Variants in BMPR1A observed in about 807,000 individuals in gnomAD.
BMPR1A encodes bone morphogenetic protein receptor type-1A.
A neutral mutation model predicts 66.0 loss-of-function variants in BMPR1A; 7 were observed. That is an observed-to-expected ratio of 0.11 (90% CI 0.06 to 0.20). The LOEUF is 0.20. BMPR1A is among the 10% of genes least tolerant of loss of function. The probability of loss-of-function intolerance (pLI) is 1.00; values close to 1 mark genes in which losing one functional copy is unlikely to be tolerated. For missense variants in BMPR1A, 408 were observed against 669.1 expected (o/e 0.61, Z 4.31); for synonymous variants, 200 against 229.7 (o/e 0.87, Z 1.17).
intron 1 of BMPR1A, among the ~76,000 whole-genome samples, chr10:86,763,796 T>C (rs1841116133): frequency 6.7e-6 from 1 of 148,960 alleles, no homozygotes; most frequent in Admixed American, 6.6e-5. Context: ...AGTTGTTTTT[T>C]TTTTTTTTTT....
intron 1 of BMPR1A, among the ~76,000 whole-genome samples, chr10:86,771,436 T>G (rs1280132376): frequency 6.6e-6 from 1 of 152,230 alleles, no homozygotes; most frequent in Non-Finnish European, 1.5e-5. Flanking sequence ...CTGAATCGAT[T>G]TAACCTTTAC....
rs574694260 is a variant in BMPR1A at position 86,882,585 on chromosome 10, T to C, written c.67+6500T>C. ...CCCAAAGAGGACTTTTTGGTTTACT[T>C]GTGGGGCTCAATTTTTTTTTGGATG... On this transcript the variant is annotated intron_variant, in intron 3 of 12. Transcript: ENST00000372037. Among the ~76,000 whole-genome samples, 3 of 151,968 alleles carry C rather than the reference T, an allele frequency of 2.0e-5. No homozygotes were observed. In the South Asian group the frequency reaches 6.2e-4, roughly 32 times the overall value.
chr10:86,759,879 CA>C (rs1373343398), intron 1 of BMPR1A, among the ~76,000 whole-genome samples: 1 of 152,112 alleles, frequency 6.6e-6, no homozygotes, highest in Non-Finnish European at 1.5e-5. Flanking sequence ...TTCTGATTCT[CA>C]TATGAATTTT....
At chr10:86,877,739 T>C (rs1327049774) in intron 3 of BMPR1A, among the ~76,000 whole-genome samples, 2 of 152,206 alleles carry the variant, frequency 1.3e-5, no homozygotes, top group African/African-American at 4.8e-5. Flanking sequence ...CAACCAAAGC[T>C]GCTATAGTTT....
At chr10:86,758,934 G>T (rs1330217689) in intron 1 of BMPR1A, among the ~76,000 whole-genome samples, 2 of 152,214 alleles carry the variant, frequency 1.3e-5, no homozygotes, top group Admixed American at 6.5e-5. Context: ...TCTAACACAG[G>T]GTCCAAGGCA....
chr10:86,870,213 A>T (rs1272722823), intron 2 of BMPR1A, among the ~76,000 whole-genome samples: 1 of 152,072 alleles, frequency 6.6e-6, no homozygotes, highest in Non-Finnish European at 1.5e-5. Context: ...TCAGCCCCAA[A>T]TGTGTCCTTT....
intron 1 of BMPR1A, among the ~76,000 whole-genome samples, chr10:86,835,922 AT>A (rs1300769622): frequency 6.6e-6 from 1 of 152,218 alleles, no homozygotes; most frequent in Admixed American, 6.5e-5. Flanking sequence ...AGAAATTTTG[AT>A]GTTAGCTCTG....
At chr10:86,915,824 C>T (rs1843560684) in intron 8 of BMPR1A, among the ~76,000 whole-genome samples, 1 of 152,176 alleles carries the variant, frequency 6.6e-6, no homozygotes, top group African/African-American at 2.4e-5. Flanking sequence ...AGAAGCATTT[C>T]CAACTTGGAG....
upstream of BMPR1A, chr10:86,756,205 C>T (rs1364870488): frequency 6.6e-6 from 1 of 152,172 alleles, no homozygotes; most frequent in African/African-American, 2.4e-5. Context: ...CCGATGGCCG[C>T]AGCGCCCGGC....
chr10:86,901,968 C>T (rs1173679882), intron 7 of BMPR1A, among the ~76,000 whole-genome samples: 2 of 152,126 alleles, frequency 1.3e-5, no homozygotes, highest in African/African-American at 2.4e-5. Context: ...AAGCGATACT[C>T]ATGCCTCAGC....
At chr10:86,850,494 G>GCA (rs1377134181) in intron 2 of BMPR1A, among the ~76,000 whole-genome samples, 1 of 152,182 alleles carries the variant, frequency 6.6e-6, no homozygotes, top group Non-Finnish European at 1.5e-5. Context: ...CACGGTCTGG[G>GCA]ATTCTGCATT....
chr10:86,792,390 A>T (rs1055422879), intron 1 of BMPR1A, among the ~76,000 whole-genome samples: 1 of 152,208 alleles, frequency 6.6e-6, no homozygotes, highest in East Asian at 1.9e-4. Context: ...AATGTTTGCC[A>T]TTTAAATGAA....
intron 1 of BMPR1A, among the ~76,000 whole-genome samples, chr10:86,786,791 C>T (rs549744680): frequency 2.0e-5 from 3 of 152,192 alleles, no homozygotes; most frequent in African/African-American, 7.2e-5. Context: ...GCAGCTTTCT[C>T]TAAAGGGAAC....
chr10:86,898,700 C>T (rs1843265006), intron 5 of BMPR1A, among the ~76,000 whole-genome samples: 1 of 152,160 alleles, frequency 6.6e-6, no homozygotes, highest in Non-Finnish European at 1.5e-5. Flanking sequence ...GCACTTTTCT[C>T]TTCTGCAAGG....
Position 86,852,827 on chromosome 10 carries a change from A to G in BMPR1A, c.-153+13848A>G, listed in dbSNP as rs192925218. Among the ~76,000 whole-genome samples, 263 of 152,306 alleles carry G rather than the reference A, an allele frequency of 1.7e-3. 1 individual carries two copies. The highest frequency in any genetic ancestry group is 1.9e-3 in the Non-Finnish European group (130 of 68,010). Reference sequence around the variant, plus strand: ...CTTCACAAAGCCATATGAGGAGGGTATTGTTATTATGTGCACTTTACACAA... The same window carrying G: ...CTTCACAAAGCCATATGAGGAGGGTGTTGTTATTATGTGCACTTTACACAA... On this transcript the variant is annotated intron_variant, in intron 2 of 12. Coordinates refer to ENST00000372037, the MANE Select transcript of BMPR1A (RefSeq NM_004329.3).
intron 1 of BMPR1A, among the ~76,000 whole-genome samples, chr10:86,781,549 G>A (rs377681406): frequency 2.0e-5 from 3 of 152,054 alleles, no homozygotes; most frequent in Admixed American, 6.6e-5. Context: ...TTGTTTTTCC[G>A]TGAAGAATGT....
intron 2 of BMPR1A, among the ~76,000 whole-genome samples, chr10:86,862,081 C>G (rs1359814750): frequency 3.9e-5 from 6 of 152,202 alleles, no homozygotes; most frequent in African/African-American, 1.4e-4. Flanking sequence ...GACTAACCCT[C>G]CTGGCCTCAT....
At chr10:86,767,504 C>T (rs967023577) in intron 1 of BMPR1A, among the ~76,000 whole-genome samples, 1 of 152,086 alleles carries the variant, frequency 6.6e-6, no homozygotes, top group African/African-American at 2.4e-5. Context: ...TATGTTGAGA[C>T]TCTGTCTCTA....
At chr10:86,876,118 T>C (rs762442594) in intron 3 of BMPR1A, 33 bp downstream of exon 3, 91 of 1,567,440 alleles carry the variant, frequency 5.8e-5, no homozygotes, top group Non-Finnish European at 7.8e-5. Context: ...AATGTATGTG[T>C]GTATATAAAA....
Sources: gnomAD v4.1 joint callset for allele counts (sites outside exome capture counted in the v4.1 genomes callset) on GRCh38, gnomAD v4.1.1 for gene constraint, MANE v1.5 for transcripts, NCBI Gene and HGNC (gene_info 2026-07-23, HGNC 2026-07-21) for gene names.